Variants in ACOXL observed in about 807,000 individuals in gnomAD.
ACOXL encodes the protein acyl-coenzyme A oxidase-like protein.
ACOXL carries 70 observed loss-of-function variants against 71.9 expected under a neutral mutation model. The ratio of observed to expected loss-of-function variants is 0.97; its 90% CI spans 0.80 to 1.19. ACOXL has a LOEUF of 1.19. Ranked by LOEUF, ACOXL falls within the 50% of genes most tolerant of loss-of-function variation. The pLI, the probability that ACOXL is intolerant of heterozygous loss-of-function variation, is 0.00. For missense variants in ACOXL, 703 were observed against 736.3 expected (o/e 0.95, Z 0.52); for synonymous variants, 253 against 281.6 (o/e 0.90, Z 1.02).
chr2:110,758,963 C>T (rs973933624), intron 1 of ACOXL, among the ~76,000 whole-genome samples: 1 of 152,030 alleles, frequency 6.6e-6, no homozygotes, highest in Non-Finnish European at 1.5e-5. Context: ...CAGGTTGTTC[C>T]GTTTCCTGTA....
At chr2:111,002,607 TG>T (rs1436191225) in intron 14 of ACOXL, among the ~76,000 whole-genome samples, 2 of 152,218 alleles carry the variant, frequency 1.3e-5, no homozygotes, top group Non-Finnish European at 2.9e-5. Flanking sequence ...TGAACTAAAT[TG>T]TACTTTTCCA....
chr2:110,991,268 C>G (rs1392990747), intron 13 of ACOXL, among the ~76,000 whole-genome samples: 1 of 152,044 alleles, frequency 6.6e-6, no homozygotes, highest in Non-Finnish European at 1.5e-5. Flanking sequence ...ATTTGTCATT[C>G]CTAAAATGCC....
intron 11 of ACOXL, among the ~76,000 whole-genome samples, 172 bp from the exon 12 acceptor site, chr2:110,933,317 G>A (rs923647542): frequency 5.3e-5 from 8 of 152,116 alleles, no homozygotes; most frequent in African/African-American, 7.2e-5. Flanking sequence ...CACTGGTAGC[G>A]TTTTAACTAT....
At chr2:110,753,973 T>A (rs181292315) in intron 1 of ACOXL, among the ~76,000 whole-genome samples, 10 of 152,204 alleles carry the variant, frequency 6.6e-5, no homozygotes, top group Admixed American at 5.9e-4. Flanking sequence ...TGCCTGATGA[T>A]TTTGAGCACT....
At chr2:110,995,780 C>A in intron 13 of ACOXL, 113 bp from the exon 14 acceptor site, 1 of 720,316 alleles carries the variant, frequency 1.4e-6, no homozygotes, top group Non-Finnish European at 2.4e-6. Context: ...TCTATTGACA[C>A]TATTTTTCTA....
chr2:110,779,391 G>A (rs78792639), intron 2 of ACOXL, among the ~76,000 whole-genome samples: 4 of 152,336 alleles, frequency 2.6e-5, no homozygotes, highest in African/African-American at 9.6e-5. Flanking sequence ...GTTCACTATG[G>A]TTGGGGGAGA....
chr2:111,004,047 G>A (rs2063763340), intron 14 of ACOXL, among the ~76,000 whole-genome samples: 1 of 152,178 alleles, frequency 6.6e-6, no homozygotes, highest in South Asian at 2.1e-4. Context: ...TTAGTTTGGT[G>A]TATCTTGACA....
chr2:110,852,151 C>T (rs773635645), intron 10 of ACOXL, among the ~76,000 whole-genome samples: 7 of 152,184 alleles, frequency 4.6e-5, no homozygotes, highest in Non-Finnish European at 7.4e-5. Flanking sequence ...GGGTTAACTA[C>T]TGCAGGGCTA....
chr2:111,048,656 T>G (rs1352786836), intron 15 of ACOXL, among the ~76,000 whole-genome samples: 1 of 150,662 alleles, frequency 6.6e-6, no homozygotes, highest in Admixed American at 6.6e-5. Context: ...TACTAAAACT[T>G]TTTTTTTTTC....
chr2:110,886,734 G>A, intron 10 of ACOXL: 1 of 1,550,354 alleles, frequency 6.5e-7, no homozygotes. Flanking sequence ...TAGCCTTGCG[G>A]AAGAACTGAA....
intron 16 of ACOXL, among the ~76,000 whole-genome samples, chr2:111,059,474 A>G (rs1346333564): frequency 1.3e-5 from 2 of 152,256 alleles, no homozygotes; most frequent in Admixed American, 1.3e-4. Flanking sequence ...TGGATGAAAA[A>G]TAACACCCAA....
chr2:110,826,470 G>A (rs1314818692), intron 9 of ACOXL, among the ~76,000 whole-genome samples: 1 of 152,184 alleles, frequency 6.6e-6, no homozygotes, highest in Non-Finnish European at 1.5e-5. Flanking sequence ...ACAGCACTTG[G>A]CACCATGTTT....
At chr2:110,931,951 A>G (rs1212916475) in intron 11 of ACOXL, among the ~76,000 whole-genome samples, 2 of 152,208 alleles carry the variant, frequency 1.3e-5, no homozygotes, top group African/African-American at 2.4e-5. Context: ...GAAGACATGT[A>G]TTTTCTCTAA....
intron 10 of ACOXL, among the ~76,000 whole-genome samples, chr2:110,883,558 T>C (rs1046829578): frequency 2.6e-5 from 4 of 152,158 alleles, no homozygotes; most frequent in African/African-American, 9.7e-5. Context: ...ACAGTAAAAT[T>C]CTTTCTCAGA....
chr2:111,045,460 T>C (rs560397718), intron 15 of ACOXL, among the ~76,000 whole-genome samples: 68 of 152,254 alleles, frequency 4.5e-4, no homozygotes, highest in Non-Finnish European at 8.7e-4. Context: ...ATAAGGGGCT[T>C]TTCCCCCTTT....
chr2:110,851,250 T>A (rs1397961015), intron 10 of ACOXL, among the ~76,000 whole-genome samples: 1 of 152,170 alleles, frequency 6.6e-6, no homozygotes, highest in Non-Finnish European at 1.5e-5. Context: ...TGAATTTTAT[T>A]GTAATTAAAT....
intron 12 of ACOXL, among the ~76,000 whole-genome samples, chr2:110,938,475 T>C (rs1414640647): frequency 2.0e-5 from 3 of 152,202 alleles, no homozygotes; most frequent in African/African-American, 7.2e-5. Context: ...ATATGGACAC[T>C]TCACGTCAGC....
intron 9 of ACOXL, among the ~76,000 whole-genome samples, chr2:110,836,805 T>C (rs569675135): frequency 6.6e-6 from 1 of 152,272 alleles, no homozygotes; most frequent in East Asian, 1.9e-4. Flanking sequence ...TTGGAAGAAA[T>C]AGGCAGGCTC....
At chr2:110,754,197 G>C (rs534217951) in intron 1 of ACOXL, among the ~76,000 whole-genome samples, 1 of 150,648 alleles carries the variant, frequency 6.6e-6, no homozygotes, top group South Asian at 2.1e-4. Context: ...CTCATCCTCC[G>C]AAGTAGCTAG....
Sources: gnomAD v4.1 joint callset for allele counts (sites outside exome capture counted in the v4.1 genomes callset) on GRCh38, gnomAD v4.1.1 for gene constraint, MANE v1.5 for transcripts, NCBI Gene and HGNC (gene_info 2026-07-23, HGNC 2026-07-21) for gene names.